The following RNF128 variants were observed in gnomAD, a reference collection of about 807,000 sequenced individuals.
The protein encoded by RNF128 is ring finger protein 128, also known as E3 ubiquitin-protein ligase RNF128.
In RNF128, 13 loss-of-function variants were observed where a neutral mutation model predicts 26.2. The ratio of observed to expected loss-of-function variants is 0.50; its 90% CI spans 0.32 to 0.79. RNF128 has a LOEUF of 0.79. RNF128 is among the 30% of genes least tolerant of loss of function. RNF128 has a pLI of 0.03. For missense variants in RNF128, 315 were observed against 349.7 expected, an observed-to-expected ratio of 0.90 and a Z score of 0.79; for synonymous variants, 149 against 142.5, an observed-to-expected ratio of 1.05 and a Z score of -0.32.
intron 1 of RNF128, among the ~76,000 whole-genome samples, chrX:106,705,989 C>T (rs1177306668): frequency 9.0e-6 from 1 of 111,518 alleles, no homozygotes; most frequent in East Asian, 2.8e-4. Flanking sequence ...ATCTTTCTCA[C>T]CTGAAAGCTG....
intron 1 of RNF128, among the ~76,000 whole-genome samples, chrX:106,711,849 C>G (rs1468828275): frequency 9.0e-6 from 1 of 111,616 alleles, no homozygotes; most frequent in Non-Finnish European, 1.9e-5. Context: ...CCAAGACACT[C>G]AGCCAAGGTC....
chrX:106,727,090 C>T lies in RNF128; in HGVS notation c.177C>T (p.Asn59=). Residue 59 remains asparagine (N), a synonymous_variant, in exon 1 of 7, where the codon AAC becomes AAT. Transcript: ENST00000255499. ...GGCGGGTTCCGCACACGGGAGTGAA[C>T]CGTACGGTGTGGGAGCTGAGCGAGG... ...VSWRVPHTGV[N]RTVWELSEEG... The T allele has an allele frequency of 8.3e-7, 1 of 1,205,497 alleles. No individual in the cohort carries two copies. Among genetic ancestry groups the T allele is most frequent in the Non-Finnish European group, 1.1e-6 (1 of 892,725 alleles).
Position 106,726,811 on chromosome X carries a change from C to A in RNF128, c.-103C>A. 9.2e-7 allele frequency: 1 copy of A among 1,087,251 alleles called. No homozygotes were observed. The highest frequency in any genetic ancestry group is 2.3e-5 in the South Asian group (1 of 42,795). The allele number at this position is 1,087,251 out of a possible 1,213,427, so 89.6% of individuals were successfully genotyped here. A position where few individuals can be genotyped will look rare whatever the true frequency, so the allele number is the denominator to read the frequency against. ...AGCTCGCAGCTCCCCAGTCTCACTC[C>A]ATTCCTTCCCCACCTGGCGCGCACC... On this transcript the variant is annotated 5_prime_UTR_variant, in exon 1 of 7. Coordinates refer to ENST00000255499, the MANE Select transcript of RNF128 (RefSeq NM_194463.2).
intron 1 of RNF128, among the ~76,000 whole-genome samples, chrX:106,767,700 C>T (rs922891648): frequency 2.7e-5 from 3 of 111,447 alleles, no homozygotes; most frequent in Non-Finnish European, 5.6e-5. Flanking sequence ...ATTGAATACT[C>T]TTTATTTCCT....
At chrX:106,754,412 T>A in intron 1 of RNF128, among the ~76,000 whole-genome samples, 1 of 24,474 alleles carries the variant, frequency 4.1e-5, no homozygotes, top group East Asian at 6.3e-3. Context: ...TTCTTTCTCT[T>A]TTTTTTTTTT....
intron 1 of RNF128, among the ~76,000 whole-genome samples, chrX:106,731,367 C>T (rs1009996338): frequency 3.3e-4 from 37 of 111,774 alleles, no homozygotes; most frequent in Admixed American, 1.1e-3. Flanking sequence ...AATCTTTTTC[C>T]GTTCACAGAG....
intron 1 of RNF128, among the ~76,000 whole-genome samples, chrX:106,721,614 C>T (rs968564097): frequency 9.0e-6 from 1 of 111,704 alleles, no homozygotes; most frequent in Non-Finnish European, 1.9e-5. Context: ...GCTCCTGGCC[C>T]ATATATATCC....
chrX:106,756,808 A>T, intron 1 of RNF128, among the ~76,000 whole-genome samples: 1 of 96,414 alleles, frequency 1.0e-5, no homozygotes, highest in Non-Finnish European at 2.0e-5. Flanking sequence ...GCAACCTACA[A>T]AATGGGAGAA....
At chrX:106,732,352 C>T (rs1174900291) in intron 1 of RNF128, among the ~76,000 whole-genome samples, 1 of 111,987 alleles carries the variant, frequency 8.9e-6, no homozygotes, top group African/African-American at 3.2e-5. Context: ...ACATATTTTA[C>T]CTTCTACTGG....
chrX:106,770,384 A>G (rs776289824), intron 1 of RNF128, among the ~76,000 whole-genome samples: 3 of 111,856 alleles, frequency 2.7e-5, no homozygotes, highest in South Asian at 3.8e-4. Context: ...AGGTACACCA[A>G]TCAGACGTAG....
upstream of RNF128, among the ~76,000 whole-genome samples, chrX:106,724,925 T>C (rs1929368967): frequency 8.9e-6 from 1 of 112,688 alleles, no homozygotes; most frequent in Admixed American, 9.4e-5. Context: ...CCATGGCTTA[T>C]GGCAGATGTA....
upstream of RNF128, chrX:106,726,658 G>A: frequency 1.0e-6 from 1 of 985,043 alleles, no homozygotes; most frequent in South Asian, 3.1e-5. Flanking sequence ...CAGTCGGCTG[G>A]GCGGAGCTTC....
intron 1 of RNF128, among the ~76,000 whole-genome samples, chrX:106,719,019 C>A (rs938362945): frequency 1.1e-4 from 12 of 112,100 alleles, no homozygotes; most frequent in African/African-American, 3.9e-4. Context: ...ACAAAGGCAG[C>A]CTTTGCCCAC....
chrX:106,757,941 G>C (rs1021969900), intron 1 of RNF128, among the ~76,000 whole-genome samples: 8 of 111,301 alleles, frequency 7.2e-5, no homozygotes, highest in African/African-American at 2.3e-4. Flanking sequence ...GTCCTAGCTA[G>C]AGACATCAGA....
At chrX:106,696,424 A>G (rs764257658) in intron 1 of RNF128, among the ~76,000 whole-genome samples, 1 of 111,375 alleles carries the variant, frequency 9.0e-6, no homozygotes, top group East Asian at 2.8e-4. Flanking sequence ...TCAAGTGTGG[A>G]TATGAAAACT....
At chrX:106,730,037 C>T (rs1929475745) in intron 1 of RNF128, among the ~76,000 whole-genome samples, 1 of 111,927 alleles carries the variant, frequency 8.9e-6, no homozygotes, top group South Asian at 3.7e-4. Context: ...CAAAATCTCT[C>T]TTCACTCACT....
intron 4 of RNF128, 81 bp downstream of exon 4, chrX:106,788,081 T>C: frequency 2.0e-6 from 1 of 493,179 alleles, no homozygotes; most frequent in Non-Finnish European, 3.2e-6. Context: ...CTATTTTGAA[T>C]ATTTCCAAAT....
upstream of RNF128, among the ~76,000 whole-genome samples, chrX:106,726,139 G>A (rs780643843): frequency 8.9e-5 from 10 of 112,024 alleles, no homozygotes; most frequent in Non-Finnish European, 1.9e-4. Context: ...CATCTGATGC[G>A]GTACATGAAA....
intron 3 of RNF128, among the ~76,000 whole-genome samples, chrX:106,786,266 C>CAT (rs1466303128): frequency 9.0e-6 from 1 of 111,296 alleles, no homozygotes; most frequent in African/African-American, 3.3e-5. Context: ...GAAATAAACC[C>CAT]ATATATATAT....
Sources: allele counts gnomAD v4.1 joint callset (sites outside exome capture counted in the v4.1 genomes callset), GRCh38; gene constraint gnomAD v4.1.1; transcripts MANE v1.5; gene names NCBI Gene and HGNC (gene_info 2026-07-23, HGNC 2026-07-21).